VTN: variants seen among roughly 807,000 people sequenced by gnomAD.
VTN encodes vitronectin.
A neutral mutation model predicts 55.9 loss-of-function variants in VTN; 45 were observed. The ratio of observed to expected loss-of-function variants is 0.80; its 90% CI spans 0.63 to 1.03. VTN has a LOEUF of 1.03. VTN is among the 50% of genes least tolerant of loss of function. VTN has a pLI of 0.00. For missense variants in VTN, 589 were observed against 638.2 expected (o/e 0.92, Z 0.83); for synonymous variants, 238 against 242.3 (o/e 0.98, Z 0.17).
rs782733119 is a variant in VTN, at chr17:28,367,410, C to T, written c.1396G>A (p.Ala466Thr). ...GCTGGGCAGCCCAGCCAGTACTGAG[C>T]GATGGAGCGTGGGTAGGGAGGGTCC... ...TVDPPYPRSI[A>T]QYWLGCPAPG... Residue 466 changes from alanine (A) to threonine (T), a missense_variant, in exon 8 of 8, where the codon GCT (alanine) becomes ACT (threonine). Coordinates refer to ENST00000226218, the MANE Select transcript of VTN (RefSeq NM_000638.4). 29 of 1,612,040 alleles carry T rather than the reference C, an allele frequency of 1.8e-5. No homozygotes were observed. Among genetic ancestry groups the T allele is most frequent in the South Asian group, 2.2e-5 (2 of 90,770 alleles).
In VTN at chr17:28,367,324, G is replaced by A; in HGVS notation, c.*45C>T. On this transcript the variant is annotated 3_prime_UTR_variant, in exon 8 of 8. Transcript: ENST00000226218. ...CTTTATTGGGCTGGGGGAAGGAGAT[G>A]GGAGGAGGGAGCTACAGAGGGCCCG... 2 of 1,343,220 alleles carry A rather than the reference G, an allele frequency of 1.5e-6. No homozygotes were observed. The highest frequency in any genetic ancestry group is 2.1e-4 in the Middle Eastern group (1 of 4,816). 83.2% of individuals were successfully genotyped at this position (1,343,220 alleles called of 1,614,324 possible). A position where few individuals can be genotyped will look rare whatever the true frequency, so the allele number is the denominator to read the frequency against.
rs1555583464 is a variant in VTN at position 28,368,887 on chromosome 17, C to T, written c.811G>A (p.Val271Ile). The change falls in exon 5 of 8, where the codon GTC becomes ATC. Residue 271 changes from valine (V) to isoleucine (I), a missense_variant. Coordinates refer to ENST00000226218, the MANE Select transcript of VTN (RefSeq NM_000638.4). ...CCCTGAGTACCCTTGAAGAAGTAGA[C>T]CCGCTCCCGGCCACTGTAGCTATGG... ...PAHSYSGRER[V>I]YFFKGKQYWE... is the part of the protein sequence containing the mutation. 1.2e-6 allele frequency: 2 copies of T among 1,613,760 alleles called. No homozygotes were observed. The highest frequency in any genetic ancestry group is 1.7e-6 in the Non-Finnish European group (2 of 1,179,902).
Position 28,368,528 on chromosome 17 carries a change from T to C in VTN, c.972A>G (p.Arg324=), listed in dbSNP as rs142651994. ...EDIFELLFWG[R]TSAGTRQPQF... is the part of the protein sequence containing the mutation. ...CTTGCCCTCTCTCCATACCAGAGGT[T>C]CTGCCCCAGAAGAGAAGCTCGAAGA... Residue 324 remains arginine (R), a synonymous_variant, in exon 6 of 8, where the codon AGA becomes AGG. Coordinates refer to ENST00000226218, the MANE Select transcript of VTN (RefSeq NM_000638.4). 6.2e-5 allele frequency: 100 copies of C among 1,613,810 alleles called. No homozygotes were observed. The Middle Eastern group carries it at 6.6e-4, about 11-fold the overall frequency.
In VTN at chr17:28,369,487, A is replaced by C. The variant is rs782429773; in HGVS notation, c.529+20T>G. 6.3e-7 allele frequency: 1 copy of C among 1,596,418 alleles called. No homozygotes were observed. The highest frequency in any genetic ancestry group is 2.2e-5 in the East Asian group (1 of 44,624). On this transcript the variant is annotated intron_variant, in intron 3 of 7. Coordinates refer to ENST00000226218, the MANE Select transcript of VTN (RefSeq NM_000638.4). The surrounding 1 kb of genome is among the most constrained non-coding windows in gnomAD (Gnocchi z 5.3). The stretch of plus-strand genomic sequence containing the variant: ...GCTCCTGGGGCAGACCCGCATCCCC[A>C]GTACCTGCCCTGGATTCACCTCGGA...
rs1379218599 is a variant in VTN, at chr17:28,370,044, A to G, written c.67T>C (p.Ser23Pro). The change falls in exon 2 of 8, where the codon TCA becomes CCA. Residue 23 changes from serine (S) to proline (P), a missense_variant and splice_region_variant. Physicochemically the swap from Ser to Pro is moderately conservative, Grantham distance 74. This residue lies in a region of VTN where 217 missense variants were observed against 241.3 expected (regional missense o/e 0.90). Transcript: ENST00000226218. The part of the protein sequence containing the change: ...LAWVALADQE[S>P]CKGRCTEGFN... The stretch of plus-strand genomic sequence containing the variant: ...CCCTCAGTGCAGCGGCCCTTGCATG[A>G]CTCTATGAGGAAGGAGTGTCAGTCG... 1.9e-6 allele frequency: 3 copies of G among 1,613,758 alleles called. No homozygotes were observed. Among genetic ancestry groups the G allele is most frequent in the East Asian group, 4.5e-5 (2 of 44,876 alleles).
rs201384220 is a variant in VTN, at chr17:28,369,824, G to A, written c.212C>T (p.Pro71Leu). 3.0e-5 allele frequency: 48 copies of A among 1,613,244 alleles called. No individual in the cohort carries two copies. Among genetic ancestry groups the A allele is most frequent in the African/African-American group, 4.0e-5 (3 of 75,006 alleles). ...QVTRGDVFTMPEDEYTVYDDG... is the reference protein window; with the variant it reads ...QVTRGDVFTMLEDEYTVYDDG... Reference sequence around the variant, plus strand: ...GTCATAGACCGTGTACTCATCCTCCGGCATAGTGAACACATCCCCGCGAGT... The same window carrying A: ...GTCATAGACCGTGTACTCATCCTCCAGCATAGTGAACACATCCCCGCGAGT... Residue 71 changes from proline to leucine, a missense_variant, in exon 3 of 8, where the codon CCG becomes CTG. Physicochemically the swap from Pro to Leu is moderately conservative, Grantham distance 98 (BLOSUM62 -3). Coordinates refer to ENST00000226218, the MANE Select transcript of VTN (RefSeq NM_000638.4). This position sits in a 1 kb window ranked among gnomAD's most constrained non-coding sequence, Gnocchi z 5.3.
Position 28,369,306 on chromosome 17 carries a change from T to TC in VTN, c.651dup (p.Lys218GlufsTer8). ...CCTGGCACCTTGAAGAGGTAGGTCT[T>TC]CCCCTGACAGTTGATGCGGGTGAAG... On this transcript the variant is annotated frameshift_variant, in exon 4 of 8. Transcript: ENST00000226218. LOFTEE classifies it high-confidence loss of function. The surrounding 1 kb of genome is among the most constrained non-coding windows in gnomAD (Gnocchi z 5.3). 1 of 1,597,978 alleles carries TC rather than the reference T, an allele frequency of 6.3e-7. No homozygotes were observed. Among genetic ancestry groups the TC allele is most frequent in the Non-Finnish European group, 8.6e-7 (1 of 1,168,532 alleles).
Position 28,369,752 on chromosome 17 carries a change from C to CCCT in VTN, c.283_284insAGG (p.Gly94_Gly95insGlu). 2 of 1,613,706 alleles carry CCCT rather than the reference C, an allele frequency of 1.2e-6. No homozygotes were observed. Among genetic ancestry groups the CCCT allele is most frequent in the Non-Finnish European group, 1.7e-6 (2 of 1,179,892 alleles). On this transcript the variant is annotated inframe_insertion, in exon 3 of 8. Transcript: ENST00000226218. This position sits in a 1 kb window ranked among gnomAD's most constrained non-coding sequence, Gnocchi z 5.3. ...CTGGAGGTCAGAGGTCAGGGAGGGG[C>CCCT]CCCCCACCTGTTCATGGACAGTGGC... is the stretch of plus-strand genomic sequence containing the variant.
At chr17:28,368,707 G>A (rs1444115060) in intron 5 of VTN, 34 bp from the exon 6 acceptor site, 2 of 1,611,092 alleles carry the variant, frequency 1.2e-6, no homozygotes, top group Non-Finnish European at 1.7e-6. Context: ...TAGGAGGGCT[G>A]GGCCAGGGCA....
chr17:28,367,618 G>T, intron 7 of VTN, 97 bp downstream of exon 7: 1 of 1,444,030 alleles, frequency 6.9e-7, no homozygotes, highest in Non-Finnish European at 9.6e-7. Flanking sequence ...CTGGCTTTCT[G>T]TGGTCACTAC....
Position 28,368,981 on chromosome 17 carries a change from G to A in VTN, c.717C>T (p.Tyr239=), listed in dbSNP as rs781902151. 6 of 1,603,136 alleles carry A rather than the reference G, an allele frequency of 3.7e-6. No homozygotes were observed. The highest frequency in any genetic ancestry group is 2.2e-5 in the East Asian group (1 of 44,864). The change falls in exon 5 of 8, where the codon TAC becomes TAT. Residue 239 remains tyrosine, a synonymous_variant. Transcript: ENST00000226218. ...CGAAGCCGTCAGAGATATTTCGGGG[G>A]TAATCAGGGTCCAGGACACCATCCT... ...RFEDGVLDPD[Y]PRNISDGFDG...
intron 6 of VTN, 122 bp from the exon 7 acceptor site, chr17:28,368,181 C>T (rs2067922695): frequency 1.1e-6 from 1 of 893,476 alleles, no homozygotes; most frequent in Non-Finnish European, 1.7e-6. Context: ...ATGGCAGAGC[C>T]AGGCCTTTGA....
rs781824403 is a variant in VTN at position 28,369,817 on chromosome 17, A to T, written c.219T>A (p.Asp73Glu). The T allele has an allele frequency of 6.2e-7, 1 of 1,613,380 alleles. No individual in the cohort carries two copies. The highest frequency in any genetic ancestry group is 8.5e-7 in the Non-Finnish European group (1 of 1,179,454). Residue 73 changes from aspartate (D) to glutamate (E), a missense_variant, in exon 3 of 8, where the codon GAT becomes GAA. Physicochemically the swap from Asp to Glu is conservative, Grantham distance 45. Coordinates refer to ENST00000226218, the MANE Select transcript of VTN (RefSeq NM_000638.4). The surrounding 1 kb of genome is among the most constrained non-coding windows in gnomAD (Gnocchi z 5.3). ...TRGDVFTMPE[D>E]EYTVYDDGEE... The stretch of plus-strand genomic sequence containing the variant: ...CGCCATCGTCATAGACCGTGTACTC[A>T]TCCTCCGGCATAGTGAACACATCCC...
In VTN at chr17:28,369,812, T is replaced by C; in HGVS notation, c.224A>G (p.Tyr75Cys). 6.2e-7 allele frequency: 1 copy of C among 1,613,798 alleles called. No individual in the cohort carries two copies. Among genetic ancestry groups the C allele is most frequent in the Non-Finnish European group, 8.5e-7 (1 of 1,179,794 alleles). ...CTCCTCGCCATCGTCATAGACCGTG[T>C]ACTCATCCTCCGGCATAGTGAACAC... ...GDVFTMPEDE[Y>C]TVYDDGEEKN... Residue 75 changes from tyrosine to cysteine, a missense_variant, in exon 3 of 8, where the codon TAC (tyrosine) becomes TGC (cysteine). Around this residue, in one of 3 missense-constraint regions of VTN, gnomAD observed 217 missense variants for 241.3 expected, o/e 0.90. Transcript: ENST00000226218. This position sits in a 1 kb window ranked among gnomAD's most constrained non-coding sequence, Gnocchi z 5.3.
chr17:28,369,902 C>A lies in VTN; in HGVS notation c.184+25G>T. 2 of 1,612,608 alleles carry A rather than the reference C, an allele frequency of 1.2e-6. No individual in the cohort carries two copies. The highest frequency in any genetic ancestry group is 8.5e-7 in the Non-Finnish European group (1 of 1,178,908). On this transcript the variant is annotated intron_variant, in intron 2 of 7. Coordinates refer to ENST00000226218, the MANE Select transcript of VTN (RefSeq NM_000638.4). The surrounding 1 kb of genome is among the most constrained non-coding windows in gnomAD (Gnocchi z 5.3). ...CTCCAGCAGCAGGGGGCACCCCAGC[C>A]CACCCACCTGGGCTCTGAACACACC...
chr17:28,369,207 TCCCTGTCCA>T lies in VTN; in HGVS notation c.669+73_669+81del. ...GTCCTGCAGGGCCCTGGGTCCAGCT[TCCCTGTCCA>T]CCCTGTCCCTGGGAGCAATAGCTCT... is the stretch of plus-strand genomic sequence containing the variant. On this transcript the variant is annotated intron_variant, in intron 4 of 7. Transcript: ENST00000226218. The surrounding 1 kb of genome is among the most constrained non-coding windows in gnomAD (Gnocchi z 5.3). 1 of 1,517,740 alleles carries T rather than the reference TCCCTGTCCA, an allele frequency of 6.6e-7. No individual in the cohort carries two copies. The highest frequency in any genetic ancestry group is 8.8e-7 in the Non-Finnish European group (1 of 1,133,112). 94.0% of individuals were successfully genotyped at this position (1,517,740 alleles called of 1,614,324 possible). A position where few individuals can be genotyped will look rare whatever the true frequency, so the allele number is the denominator to read the frequency against.
intron 6 of VTN, 115 bp from the exon 7 acceptor site, chr17:28,368,174 G>T: frequency 1.1e-6 from 1 of 907,616 alleles, no homozygotes; most frequent in Non-Finnish European, 1.6e-6. Context: ...GCAGCGAATG[G>T]CAGAGCCAGG....
chr17:28,367,840 G>A lies in VTN; in HGVS notation c.1199C>T (p.Thr400Met), dbSNP rs704. ...CTCACTGGAGAACAAGGACAGCCAC[G>A]TGGCGCGGGATGGCCGGCGGGAGTT... ...NQNSRRPSRA[T>M]WLSLFSSEES... The change falls in exon 7 of 8, where the codon ACG becomes ATG. Residue 400 changes from threonine (T) to methionine (M), a missense_variant. Thr to Met is a moderately conservative substitution (Grantham distance 81). Coordinates refer to ENST00000226218, the MANE Select transcript of VTN (RefSeq NM_000638.4). 0.49 allele frequency: 789,794 copies of A among 1,613,858 alleles called. 196,068 individuals carry two copies. Among genetic ancestry groups the A allele is most frequent in the East Asian group, 0.74 (33,402 of 44,862 alleles).
chr17:28,369,656 ACCT>A lies in VTN; in HGVS notation c.377_379del (p.Glu126del). The A allele has an allele frequency of 1.2e-6, 2 of 1,613,662 alleles. No individual in the cohort carries two copies. The highest frequency in any genetic ancestry group is 1.7e-6 in the Non-Finnish European group (2 of 1,179,974). On this transcript the variant is annotated inframe_deletion, in exon 3 of 8. Coordinates refer to ENST00000226218, the MANE Select transcript of VTN (RefSeq NM_000638.4). The surrounding 1 kb of genome is among the most constrained non-coding windows in gnomAD (Gnocchi z 5.3). Reference sequence around the variant, plus strand: ...TATCCCCTCAGGCTTAGAGGCGCCCACCTCAGGCGCAGGGGCCTCTTCCTCAGG... The same window carrying A: ...TATCCCCTCAGGCTTAGAGGCGCCCACAGGCGCAGGGGCCTCTTCCTCAGG...
Sources: gnomAD v4.1 joint callset for allele counts on GRCh38, gnomAD v4.1.1 for gene constraint, gnomAD v4.1.1 regional missense constraint, Gnocchi (gnomAD v3.1) non-coding constraint, MANE v1.5 for transcripts, NCBI Gene and HGNC (gene_info 2026-07-23, HGNC 2026-07-21) for gene names.